Variants in UMAD1 observed in about 807,000 individuals in gnomAD.
UMAD1 encodes UBAP1-MVB12-associated (UMA) domain containing 1.
UMAD1 carries 8 observed loss-of-function variants against 6.1 expected under a neutral mutation model. The observed-to-expected ratio is 1.30, with a 90% CI of 0.76 to 2.35. UMAD1 has a LOEUF of 2.35. Among genes scored for constraint, UMAD1 ranks in the 30% most tolerant of loss-of-function variants. UMAD1 has a pLI of 0.00. For synonymous variants in UMAD1, 56 were observed against 31.4 expected (o/e 1.78, Z -2.61); for missense variants, 130 against 78.4 (o/e 1.66, Z -2.49).
At chr7:7,708,450 T>TTGATTGACA (rs1780659844) in intron 2 of UMAD1, among the ~76,000 whole-genome samples, 1 of 152,216 alleles carries the variant, frequency 6.6e-6, no homozygotes, top group African/African-American at 2.4e-5. Flanking sequence ...CAATCACCCA[T>TTGATTGACA]GTATTTATTA....
intron 2 of UMAD1, among the ~76,000 whole-genome samples, chr7:7,714,853 CTTTT>C (rs1029148023): frequency 1.8e-5 from 2 of 111,176 alleles, no homozygotes; most frequent in Non-Finnish European, 3.9e-5. Context: ...AAAAATTTTT[CTTTT>C]TTTTTTTTTT....
chr7:7,749,137 C>T (rs529978329), intron 2 of UMAD1, among the ~76,000 whole-genome samples: 1 of 152,246 alleles, frequency 6.6e-6, no homozygotes, highest in South Asian at 2.1e-4. Context: ...GATTTGAGGA[C>T]AGGTTTGTGG....
At chr7:7,871,767 A>G (rs141562039) in intron 3 of UMAD1, among the ~76,000 whole-genome samples, 51 of 152,100 alleles carry the variant, frequency 3.4e-4, no homozygotes, top group African/African-American at 1.7e-4. Context: ...GCATGTCCCA[A>G]TTTTTTTACT....
chr7:7,762,165 G>A (rs542747654), intron 2 of UMAD1, among the ~76,000 whole-genome samples: 2 of 152,088 alleles, frequency 1.3e-5, no homozygotes, highest in South Asian at 2.1e-4. Flanking sequence ...CTGTTGATCC[G>A]TTCATCATTG....
At chr7:7,753,387 C>T (rs901253010) in intron 2 of UMAD1, among the ~76,000 whole-genome samples, 2 of 152,152 alleles carry the variant, frequency 1.3e-5, no homozygotes, top group Non-Finnish European at 2.9e-5. Context: ...ATTTTTGGCA[C>T]CCATTAACCA....
chr7:7,743,918 A>T (rs1351220282), intron 2 of UMAD1, among the ~76,000 whole-genome samples: 3 of 152,120 alleles, frequency 2.0e-5, no homozygotes, highest in Non-Finnish European at 1.5e-5. Flanking sequence ...TAAAATCTTT[A>T]TTGAGATATA....
At chr7:7,797,572 G>A (rs545070426) in intron 2 of UMAD1, among the ~76,000 whole-genome samples, 64 of 152,148 alleles carry the variant, frequency 4.2e-4, no homozygotes, top group African/African-American at 1.5e-3. Flanking sequence ...TATACATAGT[G>A]CTCACTCTTC....
rs530688898 is a variant in UMAD1, at chr7:7,688,230, G to T, written c.82+14777G>T. On this transcript the variant is annotated intron_variant, in intron 2 of 3. Transcript: ENST00000682710. ...GAATTACTTTTTTAGATGTTGCTTT[G>T]GTTTACTAGCTCCTTGGGCTGTGAT... Among the ~76,000 whole-genome samples the T allele has an allele frequency of 2.6e-5, 4 of 152,182 alleles. 1 individual carries two copies. The highest frequency in any genetic ancestry group is 9.6e-5 in the African/African-American group (4 of 41,516).
At chr7:7,787,414 G>A (rs1782481941) in intron 2 of UMAD1, among the ~76,000 whole-genome samples, 1 of 152,246 alleles carries the variant, frequency 6.6e-6, no homozygotes, top group African/African-American at 2.4e-5. Context: ...TTGCTGCCAT[G>A]TGTTTCTAGT....
At chr7:7,768,140 A>G (rs1356278796) in intron 2 of UMAD1, among the ~76,000 whole-genome samples, 1 of 152,110 alleles carries the variant, frequency 6.6e-6, no homozygotes, top group East Asian at 1.9e-4. Context: ...AATTAATATT[A>G]TGATTTGTTT....
chr7:7,729,544 G>A (rs1383442566), intron 2 of UMAD1, among the ~76,000 whole-genome samples: 2 of 152,104 alleles, frequency 1.3e-5, no homozygotes, highest in Non-Finnish European at 2.9e-5. Context: ...TCATTGATAA[G>A]GCTGCCATCT....
chr7:7,770,197 G>A (rs73344544), intron 2 of UMAD1, among the ~76,000 whole-genome samples: 6,090 of 151,814 alleles, frequency 0.04, 407 homozygotes, highest in African/African-American at 0.14. Flanking sequence ...ATACTCCCTC[G>A]GCTTGCCTCC....
At chr7:7,731,891 C>A (rs1431115905) in intron 2 of UMAD1, among the ~76,000 whole-genome samples, 1 of 152,104 alleles carries the variant, frequency 6.6e-6, no homozygotes, top group Non-Finnish European at 1.5e-5. Flanking sequence ...TTATTTCCTG[C>A]CTTAACTGAC....
At chr7:7,813,102 G>C (rs1173836396) in intron 3 of UMAD1, among the ~76,000 whole-genome samples, 4 of 152,066 alleles carry the variant, frequency 2.6e-5, no homozygotes, top group African/African-American at 9.7e-5. Flanking sequence ...GAGTGCACCA[G>C]CATGAATACA....
At chr7:7,857,840 T>C (rs1384741513) in intron 3 of UMAD1, among the ~76,000 whole-genome samples, 1 of 152,234 alleles carries the variant, frequency 6.6e-6, no homozygotes, top group Non-Finnish European at 1.5e-5. Context: ...TGTTTGTTTG[T>C]TTTGGGAGAA....
intron 2 of UMAD1, among the ~76,000 whole-genome samples, chr7:7,711,284 C>T (rs536283568): frequency 2.0e-5 from 3 of 152,198 alleles, no homozygotes; most frequent in African/African-American, 7.2e-5. Context: ...TAAAAGACAA[C>T]ATGATGCTGT....
intron 1 of UMAD1, among the ~76,000 whole-genome samples, chr7:7,660,589 G>C (rs1362538593): frequency 6.6e-6 from 1 of 152,192 alleles, no homozygotes; most frequent in Non-Finnish European, 1.5e-5. Context: ...ATGAAATTCT[G>C]TGTTGAAACT....
chr7:7,704,654 G>A (rs1583756188), intron 2 of UMAD1, among the ~76,000 whole-genome samples: 1 of 145,934 alleles, frequency 6.9e-6, no homozygotes, highest in South Asian at 2.2e-4. Flanking sequence ...TGTAGTCCCA[G>A]CCATTCAGAA....
intron 2 of UMAD1, among the ~76,000 whole-genome samples, chr7:7,745,491 G>C (rs1050813651): frequency 3.9e-5 from 6 of 152,154 alleles, no homozygotes; most frequent in African/African-American, 1.4e-4. Context: ...CTGTGCTGTA[G>C]AATTCAGGAA....
Sources: allele counts gnomAD v4.1 joint callset (sites outside exome capture counted in the v4.1 genomes callset), GRCh38; gene constraint gnomAD v4.1.1; transcripts MANE v1.5; gene names NCBI Gene and HGNC (gene_info 2026-07-23, HGNC 2026-07-21).